FOCAD: variants seen among roughly 807,000 people sequenced by gnomAD.
FOCAD encodes the protein KIAA1797.
Under a neutral mutation model 225.6 loss-of-function variants are expected in FOCAD, and 198 were observed. The ratio of observed to expected loss-of-function variants is 0.88; its 90% CI spans 0.78 to 0.99. The LOEUF (loss-of-function observed/expected upper bound fraction) is 0.99, where lower values mean the gene tolerates loss of function less well. Among genes scored for constraint, FOCAD ranks in the 50% least tolerant of loss-of-function variants. The pLI is 0.00. For missense variants in FOCAD, 2,713 were observed against 2,123.6 expected, an observed-to-expected ratio of 1.28 and a Z score of -5.46; for synonymous variants, 897 against 755.0, an observed-to-expected ratio of 1.19 and a Z score of -3.08.
chr9:20,728,692 T>G (rs1826415685), intron 4 of FOCAD, among the ~76,000 whole-genome samples: 1 of 152,196 alleles, frequency 6.6e-6, no homozygotes, highest in African/African-American at 2.4e-5. Context: ...AATTCATCTT[T>G]TCCTGGCACC....
chr9:20,831,183 T>A (rs1209339084), intron 15 of FOCAD, among the ~76,000 whole-genome samples: 1 of 152,102 alleles, frequency 6.6e-6, no homozygotes, highest in East Asian at 1.9e-4. Context: ...TATCATAATC[T>A]CGTAAAGGTT....
At chr9:20,747,113 T>C (rs1426512150) in intron 5 of FOCAD, among the ~76,000 whole-genome samples, 1 of 152,090 alleles carries the variant, frequency 6.6e-6, no homozygotes, top group Non-Finnish European at 1.5e-5. Context: ...AATATTCTGC[T>C]CCTCATTAAG....
intron 40 of FOCAD, among the ~76,000 whole-genome samples, chr9:20,987,432 C>G (rs1377283995): frequency 6.6e-6 from 1 of 151,698 alleles, no homozygotes; most frequent in East Asian, 1.9e-4. Flanking sequence ...TGCTTGAACC[C>G]AGGAGGCAAA....
At chr9:20,724,186 C>T (rs1394434468) in intron 4 of FOCAD, among the ~76,000 whole-genome samples, 1 of 152,156 alleles carries the variant, frequency 6.6e-6, no homozygotes, top group East Asian at 1.9e-4. Context: ...ACATCCAAAC[C>T]ATTTCAGAAC....
intron 5 of FOCAD, among the ~76,000 whole-genome samples, chr9:20,744,206 G>C (rs1377429958): frequency 1.3e-5 from 2 of 152,168 alleles, no homozygotes; most frequent in East Asian, 1.9e-4. Flanking sequence ...CATCCTCTTA[G>C]AAACTGACAC....
intron 19 of FOCAD, among the ~76,000 whole-genome samples, chr9:20,878,910 C>G (rs990155152): frequency 6.6e-6 from 1 of 152,140 alleles, no homozygotes; most frequent in South Asian, 2.1e-4. Flanking sequence ...GCCTGGAGTT[C>G]TGATGTCCAA....
At chr9:20,962,714 G>T (rs989719443) in intron 35 of FOCAD, among the ~76,000 whole-genome samples, 4 of 152,122 alleles carry the variant, frequency 2.6e-5, no homozygotes, top group African/African-American at 9.7e-5. Flanking sequence ...GTTTATATCA[G>T]GGTTCTTTGA....
intron 5 of FOCAD, among the ~76,000 whole-genome samples, chr9:20,749,005 T>G (rs1223422058): frequency 3.3e-5 from 5 of 152,160 alleles, no homozygotes; most frequent in African/African-American, 7.2e-5. Context: ...ATTATCCTAT[T>G]TGTTTGTCTC....
intron 4 of FOCAD, among the ~76,000 whole-genome samples, chr9:20,731,043 C>T (rs535840749): frequency 6.6e-6 from 1 of 152,158 alleles, no homozygotes; most frequent in African/African-American, 2.4e-5. Context: ...TAAGACCAGC[C>T]TGGCCAACAT....
intron 18 of FOCAD, 103 bp downstream of exon 18, chr9:20,867,115 C>T (rs938283487): frequency 5.4e-5 from 36 of 667,174 alleles, no homozygotes; most frequent in Middle Eastern, 2.5e-4. Flanking sequence ...ATATACATAA[C>T]CCTAGATCTG....
rs186711026 is a variant in FOCAD, at chr9:20,819,475, A to G, written c.1456-321A>G. 2.9e-4 allele frequency among the ~76,000 whole-genome samples: 44 copies of G among 152,196 alleles called. No individual in the cohort carries two copies. In the East Asian group the frequency reaches 7.2e-3, roughly 25 times the overall value. ...GCAATCCTCCTGCCTTGCGTTCTCA[A>G]AGTGCTGGGATTACAGGTGTGAGCC... is the stretch of plus-strand genomic sequence containing the variant. On this transcript the variant is annotated intron_variant, in intron 11 of 43. Coordinates refer to ENST00000338382, the MANE Select transcript of FOCAD (RefSeq NM_001375567.1).
At chr9:20,977,753 A>G (rs961365980) in intron 36 of FOCAD, among the ~76,000 whole-genome samples, 5 of 152,224 alleles carry the variant, frequency 3.3e-5, no homozygotes, top group East Asian at 1.9e-4. Context: ...CCTAATCTCT[A>G]TATAAGATAT....
At chr9:20,783,717 T>TA (rs967525488) in intron 10 of FOCAD, among the ~76,000 whole-genome samples, 7 of 151,856 alleles carry the variant, frequency 4.6e-5, no homozygotes, top group South Asian at 2.1e-4. Context: ...AAATAAATAT[T>TA]AAAAAAAGTA....
intron 21 of FOCAD, among the ~76,000 whole-genome samples, chr9:20,891,835 G>C (rs1831641574): frequency 6.6e-6 from 1 of 152,178 alleles, no homozygotes. Context: ...TTTCAATGTA[G>C]GTGAAAGAGC....
At chr9:20,955,814 A>G (rs75212821) in intron 35 of FOCAD, among the ~76,000 whole-genome samples, 2,440 of 152,248 alleles carry the variant, frequency 0.016, 29 homozygotes, top group Non-Finnish European at 0.025. Context: ...TAGGCTGTTC[A>G]TATCTCATCA....
At chr9:20,815,137 G>GTTTTTTTTTTTT (rs71334555) in intron 11 of FOCAD, among the ~76,000 whole-genome samples, 5 of 69,144 alleles carry the variant, frequency 7.2e-5, no homozygotes, top group African/African-American at 1.8e-4. Context: ...TTTTTTTTTT[G>GTTTTTTTTTTTT]TTTTTTTTTT....
At chr9:20,716,517 C>T (rs1017592187) in intron 2 of FOCAD, among the ~76,000 whole-genome samples, 9 of 152,134 alleles carry the variant, frequency 5.9e-5, no homozygotes, top group Middle Eastern at 3.4e-3. Flanking sequence ...ATAAATTCAA[C>T]CTGGTGGGGA....
At position 20,944,776 on chromosome 9, in the gene FOCAD, T is replaced by C; in HGVS notation, c.3555+2T>C. ...AGCCAGAGCAGAACGTTTCAGGAGG[T>C]AAGAGATGGAGGCTACATTTTTTTC... On this transcript the variant is annotated splice_donor_variant, in intron 29 of 43. Transcript: ENST00000338382. LOFTEE classifies it high-confidence loss of function. 1 of 1,609,726 alleles carries C rather than the reference T, an allele frequency of 6.2e-7. No individual in the cohort carries two copies. The highest frequency in any genetic ancestry group is 8.5e-7 in the Non-Finnish European group (1 of 1,176,912).
intron 15 of FOCAD, among the ~76,000 whole-genome samples, chr9:20,841,606 T>A (rs146035311): frequency 6.6e-6 from 1 of 152,036 alleles, no homozygotes; most frequent in East Asian, 1.9e-4. Context: ...AGTTGTAATA[T>A]CTCCTTATTC....
Sources: allele counts gnomAD v4.1 joint callset (sites outside exome capture counted in the v4.1 genomes callset), GRCh38; gene constraint gnomAD v4.1.1; transcripts MANE v1.5; gene names NCBI Gene and HGNC (gene_info 2026-07-23, HGNC 2026-07-21).